POLD3: variants seen among roughly 807,000 people sequenced by gnomAD.
The protein encoded by POLD3 is DNA polymerase delta subunit 3.
A neutral mutation model predicts 58.2 loss-of-function variants in POLD3; 19 were observed. The ratio of observed to expected loss-of-function variants is 0.33; its 90% CI spans 0.23 to 0.48. POLD3 has a LOEUF of 0.48. Among genes scored for constraint, POLD3 ranks in the 20% least tolerant of loss-of-function variants. The probability of loss-of-function intolerance (pLI) is 0.99; values close to 1 mark genes in which losing one functional copy is unlikely to be tolerated. For missense variants in POLD3, 504 were observed against 545.5 expected, an observed-to-expected ratio of 0.92 and a Z score of 0.76; for synonymous variants, 172 against 193.5, an observed-to-expected ratio of 0.89 and a Z score of 0.92.
intron 8 of POLD3, among the ~76,000 whole-genome samples, chr11:74,627,386 T>C (rs1181963870): frequency 6.6e-6 from 1 of 152,208 alleles, no homozygotes; most frequent in Non-Finnish European, 1.5e-5. Context: ...TTTTGTGTTT[T>C]AAGCTGTGTT....
In POLD3 at chr11:74,612,790, T is replaced by C; in HGVS notation, c.260-88T>C. The C allele has an allele frequency of 2.6e-6, 3 of 1,140,216 alleles. No homozygotes were observed. The Admixed American group carries it at 7.3e-5, about 28-fold the overall frequency. 70.6% of individuals were successfully genotyped at this position (1,140,216 alleles called of 1,614,324 possible). On this transcript the variant is annotated intron_variant, in intron 4 of 11. Transcript: ENST00000263681. The stretch of plus-strand genomic sequence containing the variant: ...TTTTTGGACCACCACAGATTACAAA[T>C]GCTTTAATGCAGAAGGGTTTCTTGT...
At chr11:74,643,937 A>G (rs1002115056), downstream of POLD3, among the ~76,000 whole-genome samples, 11 of 152,190 alleles carry the variant, frequency 7.2e-5, no homozygotes, top group African/African-American at 2.2e-4. Context: ...AGCATAGACA[A>G]TTGCAGTGTT....
At chr11:74,655,237 G>GT (rs2033119107) in intron 4 of POLD3, among the ~76,000 whole-genome samples, 1 of 152,268 alleles carries the variant, frequency 6.6e-6, no homozygotes, top group Non-Finnish European at 1.5e-5. Flanking sequence ...TGACATGGGC[G>GT]TAAGCCCTTG....
At chr11:74,646,914 T>G (rs2033005645), downstream of POLD3, among the ~76,000 whole-genome samples, 1 of 152,224 alleles carries the variant, frequency 6.6e-6, no homozygotes, top group Non-Finnish European at 1.5e-5. Flanking sequence ...GTCCCCAACC[T>G]TTTTGGCACC....
At position 74,597,462 on chromosome 11, in the gene POLD3, A is replaced by G. The variant is rs376333938; in HGVS notation, c.116+3346A>G. Among the ~76,000 whole-genome samples the G allele has an allele frequency of 2.2e-4, 33 of 152,238 alleles. No individual in the cohort carries two copies. The East Asian group carries it at 5.8e-3, about 27-fold the overall frequency. On this transcript the variant is annotated intron_variant, in intron 2 of 11. Transcript: ENST00000263681. ...TACAGATCGTGTGCTTGTTAGCATC[A>G]TTATTATTATTGTTTTGAGACAGGG...
Position 74,657,350 on chromosome 11 carries a change from C to G in POLD3, c.370-11427C>G, listed in dbSNP as rs558993665. Among the ~76,000 whole-genome samples, 7 of 151,954 alleles carry G rather than the reference C, an allele frequency of 4.6e-5. No individual in the cohort carries two copies. The South Asian group carries it at 1.2e-3, about 27-fold the overall frequency. ...TTCTGGTTTTCTTTTCCTTTCCTTC[C>G]TGTCTTCCTTTTAGTGAAGGTAATC... On this transcript the variant is annotated intron_variant, in intron 4 of 4. Transcript: ENST00000524752.
chr11:74,607,557 C>T (rs1445337683), intron 3 of POLD3, among the ~76,000 whole-genome samples: 2 of 151,648 alleles, frequency 1.3e-5, no homozygotes, highest in Non-Finnish European at 2.9e-5. Flanking sequence ...TGAGCCACCG[C>T]GCCTGGACTT....
chr11:74,605,202 C>T (rs756088941), intron 3 of POLD3, among the ~76,000 whole-genome samples: 6 of 152,242 alleles, frequency 3.9e-5, no homozygotes, highest in South Asian at 2.1e-4. Flanking sequence ...GGTAGGCTTA[C>T]GTCTAAGTGC....
intron 5 of POLD3, among the ~76,000 whole-genome samples, chr11:74,617,957 G>A (rs1195360288): frequency 6.6e-6 from 1 of 152,128 alleles, no homozygotes; most frequent in Non-Finnish European, 1.5e-5. Flanking sequence ...AGGCTTAAGC[G>A]ATCCGCCCGC....
intron 9 of POLD3, among the ~76,000 whole-genome samples, chr11:74,630,488 C>A (rs114181075): frequency 7.0e-4 from 107 of 152,306 alleles, no homozygotes; most frequent in African/African-American, 2.5e-3. Context: ...GAATTACAGC[C>A]TGTGATATCC....
chr11:74,597,910 T>C (rs562980802), intron 2 of POLD3, among the ~76,000 whole-genome samples: 94 of 152,188 alleles, frequency 6.2e-4, no homozygotes, highest in African/African-American at 2.2e-3. Context: ...CCCACATCTT[T>C]ATAAAAAGTT....
chr11:74,664,835 C>T (rs898833010), intron 4 of POLD3, among the ~76,000 whole-genome samples: 2 of 152,204 alleles, frequency 1.3e-5, no homozygotes, highest in Non-Finnish European at 2.9e-5. Context: ...TGTGGTGGCT[C>T]ACGCCTGTAA....
chr11:74,593,973 A>G, intron 1 of POLD3, 88 bp from the exon 2 acceptor site: 1 of 731,120 alleles, frequency 1.4e-6, no homozygotes, highest in Non-Finnish European at 2.5e-6. Flanking sequence ...TCATCTAAGA[A>G]TAGGAATCTT....
intron 3 of POLD3, among the ~76,000 whole-genome samples, chr11:74,608,417 G>C (rs1385563877): frequency 1.3e-5 from 2 of 152,100 alleles, no homozygotes; most frequent in Non-Finnish European, 2.9e-5. Flanking sequence ...CACGGCACCT[G>C]GCCTTTCTGT....
At chr11:74,648,328 T>C (rs1472990191) in intron 4 of POLD3, among the ~76,000 whole-genome samples, 1 of 152,186 alleles carries the variant, frequency 6.6e-6, no homozygotes, top group Non-Finnish European at 1.5e-5. Flanking sequence ...GTGTTCTAGC[T>C]GGCCTGGGGA....
At chr11:74,629,166 T>G (rs1345879711) in intron 8 of POLD3, 51 bp from the exon 9 acceptor site, 2 of 1,079,500 alleles carry the variant, frequency 1.9e-6, no homozygotes, top group South Asian at 2.9e-5. Flanking sequence ...ATGTGAATAC[T>G]TACATTTTTG....
At chr11:74,629,150 A>C in intron 8 of POLD3, 67 bp from the exon 9 acceptor site, 1 of 902,026 alleles carries the variant, frequency 1.1e-6, no homozygotes, top group Non-Finnish European at 1.7e-6. Context: ...CAAAACCCAT[A>C]AGAGCATGTG....
chr11:74,594,245 T>G, intron 2 of POLD3, 129 bp downstream of exon 2: 1 of 644,016 alleles, frequency 1.6e-6, no homozygotes, highest in Non-Finnish European at 2.8e-6. Flanking sequence ...TCATTGGTAT[T>G]TCTTGGCTTG....
At chr11:74,609,334 C>A (rs1365837664) in intron 3 of POLD3, among the ~76,000 whole-genome samples, 1 of 116,442 alleles carries the variant, frequency 8.6e-6, no homozygotes, top group Non-Finnish European at 1.7e-5. Flanking sequence ...CCTTCTCCTT[C>A]CATTGTTTTT....
Sources: gnomAD v4.1 joint callset for allele counts (sites outside exome capture counted in the v4.1 genomes callset) on GRCh38, gnomAD v4.1.1 for gene constraint, MANE v1.5 for transcripts, NCBI Gene and HGNC (gene_info 2026-07-23, HGNC 2026-07-21) for gene names.